Variants in NEK10 observed in about 807,000 individuals in gnomAD.
NEK10 encodes the protein serine/threonine-protein kinase Nek10.
In NEK10, 122 loss-of-function variants were observed where a neutral mutation model predicts 159.8. That is an observed-to-expected ratio of 0.76 (90% confidence interval 0.66 to 0.89). The LOEUF (loss-of-function observed/expected upper bound fraction) is 0.89. NEK10 is among the 40% of genes least tolerant of loss of function. The pLI, the probability that NEK10 is intolerant of heterozygous loss-of-function variation, is 0.00. For synonymous variants in NEK10, 466 were observed against 457.1 expected (o/e 1.02, Z -0.25); for missense variants, 1,342 against 1,323.1 (o/e 1.01, Z -0.22).
At chr3:27,325,915 G>A (rs993311013) in intron 5 of NEK10, among the ~76,000 whole-genome samples, 4 of 152,110 alleles carry the variant, frequency 2.6e-5, no homozygotes, top group African/African-American at 9.7e-5. Context: ...CCCTCCTCTG[G>A]CCCAAGCACC....
intron 9 of NEK10, 52 bp downstream of exon 9, chr3:27,310,897 T>C (rs1314221911): frequency 2.6e-5 from 29 of 1,125,262 alleles, no homozygotes; most frequent in Non-Finnish European, 3.4e-5. Flanking sequence ...TTCCCTAATG[T>C]GAACTATTGC....
chr3:27,201,280 C>T (rs1950018800), intron 25 of NEK10, among the ~76,000 whole-genome samples: 2 of 152,114 alleles, frequency 1.3e-5, no homozygotes. Flanking sequence ...CAAACCCTTC[C>T]AAATAATCGT....
chr3:27,261,588 C>G (rs200183791), intron 22 of NEK10, among the ~76,000 whole-genome samples: 1 of 152,268 alleles, frequency 6.6e-6, no homozygotes, highest in East Asian at 1.9e-4. Context: ...GTCTGAGAGA[C>G]AGTTTGTTAT....
intron 25 of NEK10, among the ~76,000 whole-genome samples, chr3:27,192,834 G>T (rs904719554): frequency 1.8e-4 from 27 of 152,098 alleles, no homozygotes; most frequent in African/African-American, 6.5e-4. Context: ...TCATCTCCTT[G>T]CCCAAGGTTA....
At chr3:27,333,399 A>C (rs1183003320) in intron 5 of NEK10, among the ~76,000 whole-genome samples, 1 of 152,004 alleles carries the variant, frequency 6.6e-6, no homozygotes, top group Non-Finnish European at 1.5e-5. Flanking sequence ...TACAAAAATT[A>C]GCCCAGTGTG....
intron 14 of NEK10, 22 bp downstream of exon 14, chr3:27,297,157 C>A (rs2043417869): frequency 1.3e-6 from 2 of 1,569,196 alleles, no homozygotes; most frequent in South Asian, 2.2e-5. Context: ...GGAGACCTGA[C>A]CTTGAGAAGG....
Position 27,362,577 on chromosome 3 carries a change from C to T in NEK10, c.-38+6648G>A, listed in dbSNP as rs540353852. The stretch of plus-strand genomic sequence containing the variant: ...GGAGAATGCAAACATATTAGGTGGG[C>T]GCAAAAGTAATTGTGGTTTTTGCCA... On this transcript the variant is annotated intron_variant, in intron 1 of 35. Coordinates refer to ENST00000691995, the MANE Select transcript of NEK10 (RefSeq NM_001394966.1). Among the ~76,000 whole-genome samples, 4 of 150,584 alleles carry T rather than the reference C, an allele frequency of 2.7e-5. No individual in the cohort carries two copies. In the East Asian group the frequency reaches 8.1e-4, roughly 30 times the overall value.
At chr3:27,317,383 G>A (rs1463831722) in intron 6 of NEK10, among the ~76,000 whole-genome samples, 1 of 152,166 alleles carries the variant, frequency 6.6e-6, no homozygotes, top group Admixed American at 6.5e-5. Context: ...TTAGCCCTCA[G>A]CATCTTTCAC....
chr3:27,355,986 G>C (rs962970946), intron 1 of NEK10, among the ~76,000 whole-genome samples: 20 of 152,238 alleles, frequency 1.3e-4, no homozygotes, highest in Non-Finnish European at 2.5e-4. Flanking sequence ...ACCTTTGAGA[G>C]ATAATTGAGC....
chr3:27,259,365 G>A (rs1319151498), intron 22 of NEK10, among the ~76,000 whole-genome samples: 14 of 152,126 alleles, frequency 9.2e-5, no homozygotes, highest in East Asian at 3.9e-4. Context: ...TAACATTTAC[G>A]TCTTTAATCC....
chr3:27,125,160 A>C (rs773522155), intron 32 of NEK10, among the ~76,000 whole-genome samples: 11 of 152,160 alleles, frequency 7.2e-5, no homozygotes, highest in Non-Finnish European at 1.2e-4. Flanking sequence ...AAAAACACTG[A>C]TTTTTGAGCA....
In NEK10 at chr3:27,301,751, T is replaced by C. The variant is rs1454896619; in HGVS notation, c.1113A>G (p.Leu371=). 1 of 1,575,366 alleles carries C rather than the reference T, an allele frequency of 6.3e-7. No individual in the cohort carries two copies. The stretch of plus-strand genomic sequence containing the variant: ...TTTCCCTAGGGCTCAAGTCTTCTGA[T>C]AAATGAAGCTGCTGGATTCGGCCTG... ...NAAGRIQQLH[L]SEDLSPREIQ... is the part of the protein sequence containing the mutation. Residue 371 remains leucine, a synonymous_variant, in exon 13 of 36, where the codon TTA becomes TTG. Transcript: ENST00000691995.
At chr3:27,247,691 A>G (rs1955210066) in intron 23 of NEK10, among the ~76,000 whole-genome samples, 1 of 151,822 alleles carries the variant, frequency 6.6e-6, no homozygotes, top group African/African-American at 2.4e-5. Flanking sequence ...GCACACCACC[A>G]TGCCTGGCTA....
At chr3:27,310,739 T>G in intron 9 of NEK10, 1 of 402,826 alleles carries the variant, frequency 2.5e-6, no homozygotes, top group Non-Finnish European at 4.4e-6. Flanking sequence ...AAGAAAAGAG[T>G]TCCAGAAAAC....
At chr3:27,178,645 C>T (rs753556482) in intron 26 of NEK10, among the ~76,000 whole-genome samples, 1 of 152,190 alleles carries the variant, frequency 6.6e-6, no homozygotes, top group Non-Finnish European at 1.5e-5. Context: ...AACTAGGAGA[C>T]AGGCCATTGA....
chr3:27,134,560 G>C (rs1942985439), intron 31 of NEK10, among the ~76,000 whole-genome samples: 1 of 152,152 alleles, frequency 6.6e-6, no homozygotes, highest in African/African-American at 2.4e-5. Context: ...TATTAATTCA[G>C]GTACTCTGAG....
At chr3:27,223,659 G>A (rs921165239) in intron 23 of NEK10, among the ~76,000 whole-genome samples, 2 of 151,938 alleles carry the variant, frequency 1.3e-5, no homozygotes, top group Middle Eastern at 6.8e-3. Flanking sequence ...CAACCTTCCT[G>A]TCTCTGTGTT....
Position 27,161,698 on chromosome 3 carries a change from C to T in NEK10, c.2869+1003G>A, listed in dbSNP as rs184725460. 5.9e-5 allele frequency among the ~76,000 whole-genome samples: 9 copies of T among 152,310 alleles called. No homozygotes were observed. The East Asian group carries it at 1.5e-3, about 26-fold the overall frequency. On this transcript the variant is annotated intron_variant, in intron 30 of 35. Transcript: ENST00000691995. ...ACATTAACACATTCTTCCCAAACCT[C>T]TATTAGAAACTTTTATGTTTAAGGA...
chr3:27,280,976 G>T (rs565278420), intron 22 of NEK10, among the ~76,000 whole-genome samples: 14 of 150,526 alleles, frequency 9.3e-5, no homozygotes, highest in Non-Finnish European at 2.1e-4. Flanking sequence ...TTCAGAAGAT[G>T]CAGAAACAAT....
Sources: allele counts gnomAD v4.1 joint callset (sites outside exome capture counted in the v4.1 genomes callset), GRCh38; gene constraint gnomAD v4.1.1; transcripts MANE v1.5; gene names NCBI Gene and HGNC (gene_info 2026-07-23, HGNC 2026-07-21).